ECPAS: variants seen among roughly 807,000 people sequenced by gnomAD.
The protein encoded by ECPAS is Ecm29 proteasome adaptor and scaffold.
Under a neutral mutation model 255.1 loss-of-function variants are expected in ECPAS, and 70 were observed. The ratio of observed to expected loss-of-function variants is 0.27; its 90% CI spans 0.23 to 0.33. ECPAS has a LOEUF of 0.33. Among genes scored for constraint, ECPAS ranks in the 10% least tolerant of loss-of-function variants. The probability of loss-of-function intolerance (pLI) is 1.00; values close to 1 mark genes in which losing one functional copy is unlikely to be tolerated. For missense variants in ECPAS, 1,817 were observed against 2,206.4 expected (o/e 0.82, Z 3.54); for synonymous variants, 784 against 775.0 (o/e 1.01, Z -0.19).
At chr9:111,474,683 T>A (rs2098294073) in intron 1 of ECPAS, among the ~76,000 whole-genome samples, 1 of 152,230 alleles carries the variant, frequency 6.6e-6, no homozygotes, top group Non-Finnish European at 1.5e-5. Context: ...CCAACCTATC[T>A]CCACAGCATC....
At chr9:111,459,551 G>T (rs947244639) in intron 2 of ECPAS, among the ~76,000 whole-genome samples, 4 of 152,072 alleles carry the variant, frequency 2.6e-5, no homozygotes, top group African/African-American at 7.2e-5. Context: ...CCTATGCTAG[G>T]TATGTTAATA....
intron 2 of ECPAS, among the ~76,000 whole-genome samples, chr9:111,469,500 AG>A (rs1487562588): frequency 2.0e-5 from 3 of 149,490 alleles, no homozygotes; most frequent in Non-Finnish European, 4.4e-5. Flanking sequence ...ACTGTACTCT[AG>A]CCCAGGCGAC....
At chr9:111,398,851 C>A (rs1016600709) in intron 24 of ECPAS, among the ~76,000 whole-genome samples, 2 of 151,900 alleles carry the variant, frequency 1.3e-5, no homozygotes, top group Non-Finnish European at 1.5e-5. Context: ...GCAGGAGAAT[C>A]GCTTGAACTC....
At chr9:111,432,790 C>G (rs2098232080) in intron 8 of ECPAS, among the ~76,000 whole-genome samples, 1 of 152,056 alleles carries the variant, frequency 6.6e-6, no homozygotes, top group Non-Finnish European at 1.5e-5. Flanking sequence ...CTATCTGTAT[C>G]TCCTCGTGTG....
At chr9:111,363,451 C>A in intron 49 of ECPAS, 137 bp downstream of exon 49, 1 of 473,342 alleles carries the variant, frequency 2.1e-6, no homozygotes, top group Non-Finnish European at 3.7e-6. Flanking sequence ...TTTGTCCATT[C>A]TTCTTGCATG....
At chr9:111,415,326 TTG>T (rs1252493061) in intron 18 of ECPAS, among the ~76,000 whole-genome samples, 1 of 151,830 alleles carries the variant, frequency 6.6e-6, no homozygotes, top group Non-Finnish European at 1.5e-5. Context: ...AGAATTCCAG[TTG>T]TGTTTACTCC....
At chr9:111,396,979 CA>C in intron 25 of ECPAS, 50 bp downstream of exon 25, 3 of 1,609,854 alleles carry the variant, frequency 1.9e-6, no homozygotes, top group East Asian at 2.2e-5. Context: ...ATAAAGAGAA[CA>C]AAAAAAGGTT....
At chr9:111,454,141 A>C (rs1484651108) in intron 2 of ECPAS, among the ~76,000 whole-genome samples, 1 of 152,168 alleles carries the variant, frequency 6.6e-6, no homozygotes, top group Non-Finnish European at 1.5e-5. Flanking sequence ...GTTACAGGTA[A>C]AGGAGCAGCT....
Position 111,389,565 on chromosome 9 carries a change from G to A in ECPAS, c.3438C>T (p.Asp1146=). The part of the protein sequence containing the change: ...MTSIWNALVT[D]KSMVDKYLKE... ...GTTCACAGACACTTACCATGGATTT[G>A]TCAGTGACCAACGCATTCCAAATAC... The change falls in exon 31 of 50, where the codon GAC becomes GAT. Residue 1146 remains aspartate (D), a synonymous_variant. Transcript: ENST00000684092. The A allele has an allele frequency of 3.7e-6, 6 of 1,613,024 alleles. No individual in the cohort carries two copies. Among genetic ancestry groups the A allele is most frequent in the Non-Finnish European group, 5.1e-6 (6 of 1,179,302 alleles).
chr9:111,362,030 T>C lies in ECPAS; in HGVS notation c.5520A>G (p.Ter1840=). Reference sequence around the variant, plus strand: ...CTTGTTTGTTTCTTCCCCTTCTAATTTATTCCAGATTTTCAAGTGTTTTCT... The same window carrying C: ...CTTGTTTGTTTCTTCCCCTTCTAATCTATTCCAGATTTTCAAGTGTTTTCT... The part of the protein sequence containing the change: ...LLKKTLENLE[*] Residue 1840 remains the stop codon, a stop_retained_variant, in exon 50 of 50, where the codon TAA becomes TAG. Transcript: ENST00000684092. 1.2e-6 allele frequency: 2 copies of C among 1,611,254 alleles called. No homozygotes were observed.
Position 111,464,337 on chromosome 9 carries a change from G to A in ECPAS, c.22+8560C>T, listed in dbSNP as rs73533547. The stretch of plus-strand genomic sequence containing the variant: ...CTGTAGTCCCAGCTACTCAGTACTC[G>A]AGAGGCTGAGGTGGGAGAATCCCTT... On this transcript the variant is annotated intron_variant, in intron 2 of 49. Coordinates refer to ENST00000684092, the MANE Select transcript of ECPAS (RefSeq NM_001364929.1). Among the ~76,000 whole-genome samples, 466 of 150,796 alleles carry A rather than the reference G, an allele frequency of 3.1e-3. 3 individuals carry two copies. The highest frequency in any genetic ancestry group is 0.01 in the African/African-American group (423 of 40,938).
chr9:111,386,929 C>G (rs2098149800), intron 31 of ECPAS, among the ~76,000 whole-genome samples: 1 of 152,228 alleles, frequency 6.6e-6, no homozygotes, highest in African/African-American at 2.4e-5. Flanking sequence ...TCCCATAGCA[C>G]CTTCTGAAGA....
chr9:111,456,817 G>T (rs746092784), intron 2 of ECPAS, among the ~76,000 whole-genome samples: 16 of 152,164 alleles, frequency 1.1e-4, no homozygotes, highest in Non-Finnish European at 2.9e-5. Context: ...GTAAGAGCTT[G>T]GTGGTCATGG....
intron 34 of ECPAS, 48 bp from the exon 35 acceptor site, chr9:111,383,380 A>G (rs1173165199): frequency 6.4e-7 from 1 of 1,563,088 alleles, no homozygotes; most frequent in Non-Finnish European, 8.7e-7. Context: ...CGCGCATCCA[A>G]TAAAGAATTC....
At chr9:111,458,981 T>C (rs1349380471) in intron 2 of ECPAS, among the ~76,000 whole-genome samples, 4 of 152,094 alleles carry the variant, frequency 2.6e-5, no homozygotes. Context: ...AGGGGGTCCA[T>C]GGAGACCCCC....
intron 48 of ECPAS, among the ~76,000 whole-genome samples, chr9:111,364,919 G>T: frequency 6.6e-6 from 1 of 152,102 alleles, no homozygotes; most frequent in Non-Finnish European, 1.5e-5. Context: ...GAAGTCGGGG[G>T]GACTTTATTC....
chr9:111,421,180 T>C (rs2098213058), intron 15 of ECPAS, among the ~76,000 whole-genome samples: 1 of 152,190 alleles, frequency 6.6e-6, no homozygotes, highest in Non-Finnish European at 1.5e-5. Context: ...TGAATGTATA[T>C]AATAGCACAT....
At chr9:111,396,709 G>A (rs1380129043) in intron 25 of ECPAS, among the ~76,000 whole-genome samples, 3 of 151,916 alleles carry the variant, frequency 2.0e-5, no homozygotes, top group Non-Finnish European at 2.9e-5. Flanking sequence ...GTGCCACCAC[G>A]CCCAGCTAAG....
chr9:111,426,538 G>A (rs1564537622), intron 10 of ECPAS, among the ~76,000 whole-genome samples: 1 of 151,984 alleles, frequency 6.6e-6, no homozygotes, highest in East Asian at 1.9e-4. Context: ...CAATCTTGTT[G>A]AAGAGTTAAG....
Sources: gnomAD v4.1 joint callset for allele counts (sites outside exome capture counted in the v4.1 genomes callset) on GRCh38, gnomAD v4.1.1 for gene constraint, MANE v1.5 for transcripts, NCBI Gene and HGNC (gene_info 2026-07-23, HGNC 2026-07-21) for gene names.